The following ATP2C1 variants were observed in gnomAD, a reference collection of about 807,000 sequenced individuals.
The protein encoded by ATP2C1 is ATPase secretory pathway Ca2+ transporting 1.
In ATP2C1, 31 loss-of-function variants were observed where a neutral mutation model predicts 120.5. The ratio of observed to expected loss-of-function variants is 0.26; its 90% CI spans 0.19 to 0.35. The LOEUF (loss-of-function observed/expected upper bound fraction) is 0.35, where lower values mean the gene tolerates loss of function less well. ATP2C1 is among the 10% of genes least tolerant of loss of function. The pLI is 1.00. For missense variants in ATP2C1, 731 were observed against 1,107.5 expected (o/e 0.66, Z 4.83); for synonymous variants, 351 against 358.7 (o/e 0.98, Z 0.24).
rs189140880 is a variant in ATP2C1 at position 130,922,985 on chromosome 3, G to T, written c.7-7431G>T. On this transcript the variant is annotated intron_variant, in intron 2 of 27. Transcript: ENST00000510168. ...ATCTGTTAAGTCTATTTGTTGTAGGGTATAGTCTTAAGTCCATTGTTTCTT... is the reference window on the plus strand; with the variant it reads ...ATCTGTTAAGTCTATTTGTTGTAGGTTATAGTCTTAAGTCCATTGTTTCTT... Among the ~76,000 whole-genome samples, 9 of 152,198 alleles carry T rather than the reference G, an allele frequency of 5.9e-5. No homozygotes were observed. The East Asian group carries it at 1.7e-3, about 29-fold the overall frequency.
chr3:130,893,326 C>T (rs910284757), upstream of ATP2C1, among the ~76,000 whole-genome samples: 2 of 152,172 alleles, frequency 1.3e-5, no homozygotes, highest in African/African-American at 4.8e-5. Flanking sequence ...CTCCCCAGTT[C>T]CATATACCAC....
At chr3:131,014,592 A>T (rs1392649622) in intron 26 of ATP2C1, among the ~76,000 whole-genome samples, 1 of 151,992 alleles carries the variant, frequency 6.6e-6, no homozygotes, top group Non-Finnish European at 1.5e-5. Context: ...GGTGATACTT[A>T]AAAACTTTTC....
At chr3:130,994,510 G>T (rs1455368626) in intron 22 of ATP2C1, among the ~76,000 whole-genome samples, 1 of 151,694 alleles carries the variant, frequency 6.6e-6, no homozygotes, top group Non-Finnish European at 1.5e-5. Flanking sequence ...TATTCATCTT[G>T]CCCTCATTTA....
intron 1 of ATP2C1, among the ~76,000 whole-genome samples, chr3:130,865,083 C>G (rs1430694738): frequency 6.6e-6 from 1 of 152,118 alleles, no homozygotes; most frequent in Non-Finnish European, 1.5e-5. Flanking sequence ...GAGGCTGTAC[C>G]CTGCAAAGCC....
chr3:130,870,017 T>C (rs1445636632), intron 1 of ATP2C1, among the ~76,000 whole-genome samples: 1 of 152,232 alleles, frequency 6.6e-6, no homozygotes, highest in African/African-American at 2.4e-5. Context: ...TTGAAGCCAA[T>C]GATGATTTAT....
rs1267316792 is a variant in ATP2C1 at position 131,001,662 on chromosome 3, C to G, written c.*312C>G. 4 of 1,050,022 alleles carry G rather than the reference C, an allele frequency of 3.8e-6. No individual in the cohort carries two copies. The highest frequency in any genetic ancestry group is 4.6e-6 in the Non-Finnish European group (4 of 867,598). The allele number at this position is 1,050,022 out of a possible 1,614,324, so 65.0% of individuals were successfully genotyped here. A position where few individuals can be genotyped will look rare whatever the true frequency, so the allele number is the denominator to read the frequency against. ...CTGCACTTAAAGAAGTCTAACAGTA[C>G]AAATACACTATCTATCTTAGATAGA... On this transcript the variant is annotated 3_prime_UTR_variant, in exon 28 of 28. Coordinates refer to ENST00000510168, the MANE Select transcript of ATP2C1 (RefSeq NM_001378687.1).
At chr3:130,968,474 G>A (rs976471525) in intron 16 of ATP2C1, among the ~76,000 whole-genome samples, 5 of 152,132 alleles carry the variant, frequency 3.3e-5, no homozygotes, top group African/African-American at 9.7e-5. Context: ...GGATATGAGG[G>A]CTTTGAAGGA....
At chr3:130,967,001 T>C (rs1461617079) in intron 14 of ATP2C1, 144 bp from the exon 15 acceptor site, 1 of 709,876 alleles carries the variant, frequency 1.4e-6, no homozygotes, top group African/African-American at 1.8e-5. Context: ...AGACAAATTT[T>C]AATGCTTTTC....
chr3:130,861,851 G>A (rs1257912842), intron 1 of ATP2C1, among the ~76,000 whole-genome samples: 1 of 152,104 alleles, frequency 6.6e-6, no homozygotes, highest in Non-Finnish European at 1.5e-5. Context: ...TAGGAAATAA[G>A]TGTTTTTACC....
rs1018049491 is a variant in ATP2C1, at chr3:130,886,196, T to C, written c.108+35268T>C. ...CCTGTAAGATTGCCACTGAAAAGTCTGCTGCCAGACATTTGGGAGCTCCAT... is the reference window on the plus strand; with the variant it reads ...CCTGTAAGATTGCCACTGAAAAGTCCGCTGCCAGACATTTGGGAGCTCCAT... On this transcript the variant is annotated intron_variant, in intron 1 of 26. Transcript: ENST00000504381. Among the ~76,000 whole-genome samples, 54 of 152,254 alleles carry C rather than the reference T, an allele frequency of 3.5e-4. 1 individual carries two copies. Among genetic ancestry groups the C allele is most frequent in the Admixed American group, 7.2e-4 (11 of 15,292 alleles).
chr3:130,947,767 CTT>C (rs2060211978), intron 8 of ATP2C1, among the ~76,000 whole-genome samples: 1 of 151,972 alleles, frequency 6.6e-6, no homozygotes, highest in South Asian at 2.1e-4. Flanking sequence ...TTGTGCCCTT[CTT>C]TGTTTTTTTT....
At chr3:131,005,237 T>C (rs1463834268), downstream of ATP2C1, among the ~76,000 whole-genome samples, 2 of 146,606 alleles carry the variant, frequency 1.4e-5, no homozygotes, top group African/African-American at 5.0e-5. Flanking sequence ...CACCTCAGCC[T>C]CCTGCGTATC....
At chr3:130,960,637 A>G (rs182091756) in intron 12 of ATP2C1, among the ~76,000 whole-genome samples, 1 of 152,282 alleles carries the variant, frequency 6.6e-6, no homozygotes, top group East Asian at 1.9e-4. Context: ...AGTTAATCAA[A>G]TCCAGAAGGG....
intron 8 of ATP2C1, among the ~76,000 whole-genome samples, chr3:130,945,718 G>T (rs1466794031): frequency 1.3e-5 from 2 of 152,024 alleles, no homozygotes; most frequent in African/African-American, 4.8e-5. Context: ...TGGCTTCATA[G>T]TATTCCCTGC....
chr3:130,944,907 T>C (rs1485613792), intron 8 of ATP2C1, among the ~76,000 whole-genome samples: 1 of 152,244 alleles, frequency 6.6e-6, no homozygotes, highest in Non-Finnish European at 1.5e-5. Flanking sequence ...CACATTTTTC[T>C]GTATACTTTA....
Position 131,001,281 on chromosome 3 carries a change from G to A in ATP2C1, c.2691G>A (p.Lys897=). The A allele has an allele frequency of 6.2e-7, 1 of 1,613,856 alleles. No homozygotes were observed. The highest frequency in any genetic ancestry group is 8.5e-7 in the Non-Finnish European group (1 of 1,179,886). ...GCATAGTGGCAGAAATTATAAAGAA[G>A]GTTGAAAGGAGCAGGGAAAAGATCC... ...SVCIVAEIIK[K]VERSREKIQK... Residue 897 remains lysine (K), a synonymous_variant, in exon 28 of 28, where the codon AAG becomes AAA. Coordinates refer to ENST00000510168, the MANE Select transcript of ATP2C1 (RefSeq NM_001378687.1).
intron 2 of ATP2C1, chr3:130,919,266 C>T (rs1252508294): frequency 4.1e-5 from 7 of 170,888 alleles, no homozygotes; most frequent in South Asian, 2.3e-4. Context: ...CTCTTTTCGC[C>T]GAGGCTAGAG....
chr3:130,925,814 G>C (rs529848662), intron 2 of ATP2C1, among the ~76,000 whole-genome samples: 1 of 152,090 alleles, frequency 6.6e-6, no homozygotes, highest in African/African-American at 2.4e-5. Flanking sequence ...GGGGTGGGGT[G>C]AGGGTGTGGT....
intron 2 of ATP2C1, among the ~76,000 whole-genome samples, chr3:130,911,605 T>C (rs577577373): frequency 6.6e-6 from 1 of 152,236 alleles, no homozygotes; most frequent in African/African-American, 2.4e-5. Context: ...AAATTGAGGA[T>C]ACAAACAAAT....
Sources: gnomAD v4.1 joint callset for allele counts (sites outside exome capture counted in the v4.1 genomes callset) on GRCh38, gnomAD v4.1.1 for gene constraint, MANE v1.5 for transcripts, NCBI Gene and HGNC (gene_info 2026-07-23, HGNC 2026-07-21) for gene names.